CNTNAP2: variants seen among roughly 807,000 people sequenced by gnomAD.
The protein encoded by CNTNAP2 is contactin associated protein 2, also known as contactin-associated protein-like 2.
Under a neutral mutation model 155.2 loss-of-function variants are expected in CNTNAP2, and 98 were observed. The observed-to-expected ratio is 0.63, with a 90% CI of 0.54 to 0.75. The LOEUF is 0.75. Ranked by LOEUF, CNTNAP2 falls within the 30% of genes least tolerant of loss-of-function variation. The pLI is 0.00. For missense variants in CNTNAP2, 1,727 were observed against 1,688.1 expected (o/e 1.02, Z -0.40); for synonymous variants, 651 against 631.2 (o/e 1.03, Z -0.47).
chr7:148,266,141 G>A (rs1796663361), intron 20 of CNTNAP2, among the ~76,000 whole-genome samples: 1 of 152,204 alleles, frequency 6.6e-6, no homozygotes, highest in Non-Finnish European at 1.5e-5. Flanking sequence ...GGAAAGCAAT[G>A]CTGTGCTTTC....
intron 2 of CNTNAP2, among the ~76,000 whole-genome samples, chr7:146,809,786 C>T (rs1803031408): frequency 6.6e-6 from 1 of 152,122 alleles, no homozygotes; most frequent in South Asian, 2.1e-4. Flanking sequence ...ATATTTTCTT[C>T]CATTCCGTAG....
chr7:148,029,876 T>A (rs1331036925), intron 15 of CNTNAP2, among the ~76,000 whole-genome samples: 1 of 152,154 alleles, frequency 6.6e-6, no homozygotes, highest in Non-Finnish European at 1.5e-5. Context: ...TCCTGTAAGG[T>A]ATATTTCCAG....
chr7:146,245,433 G>T (rs898350150), intron 1 of CNTNAP2, among the ~76,000 whole-genome samples: 29 of 152,150 alleles, frequency 1.9e-4, no homozygotes, highest in Admixed American at 4.6e-4. Flanking sequence ...TTGTGATTTT[G>T]AGGGCCTCTA....
intron 13 of CNTNAP2, among the ~76,000 whole-genome samples, chr7:147,854,491 G>A (rs981372199): frequency 6.6e-6 from 1 of 151,952 alleles, no homozygotes; most frequent in African/African-American, 2.4e-5. Context: ...TGAAAGAGTG[G>A]CTAGGATACA....
intron 8 of CNTNAP2, among the ~76,000 whole-genome samples, chr7:147,283,992 A>G (rs1039856697): frequency 2.7e-5 from 4 of 150,034 alleles, no homozygotes; most frequent in Non-Finnish European, 5.9e-5. Context: ...TACATTTTCC[A>G]CATGTAATTT....
chr7:148,222,690 TC>T (rs1795775010), intron 19 of CNTNAP2, among the ~76,000 whole-genome samples: 1 of 152,218 alleles, frequency 6.6e-6, no homozygotes, highest in African/African-American at 2.4e-5. Flanking sequence ...GAGGGGATAT[TC>T]ACACCATAGC....
rs186293180 is a variant in CNTNAP2 at position 147,466,398 on chromosome 7, A to G, written c.1671-19537A>G. Among the ~76,000 whole-genome samples, 46 of 152,290 alleles carry G rather than the reference A, an allele frequency of 3.0e-4. No individual in the cohort carries two copies. The East Asian group carries it at 6.2e-3, about 20-fold the overall frequency. ...TACACAGAATGGTGGAGGGAAAATT[A>G]GAGTGATGTTTTTAGGTTTTATGGC... On this transcript the variant is annotated intron_variant, in intron 10 of 23. Coordinates refer to ENST00000361727, the MANE Select transcript of CNTNAP2 (RefSeq NM_014141.6).
At chr7:147,300,398 C>A in intron 9 of CNTNAP2, 108 bp downstream of exon 9, 2 of 1,213,224 alleles carry the variant, frequency 1.6e-6, no homozygotes, top group Non-Finnish European at 2.3e-6. Context: ...CTCAGTAGAT[C>A]TCATGACAAA....
At chr7:147,439,964 T>G (rs1477201617) in intron 10 of CNTNAP2, among the ~76,000 whole-genome samples, 1 of 152,078 alleles carries the variant, frequency 6.6e-6, no homozygotes, top group Non-Finnish European at 1.5e-5. Context: ...AGTCTACATG[T>G]GTCTTTATAG....
intron 2 of CNTNAP2, chr7:146,782,076 A>G (rs1216583351): frequency 6.6e-6 from 1 of 152,212 alleles, no homozygotes; most frequent in Non-Finnish European, 1.5e-5. Context: ...TAAATTATGA[A>G]GTAGACTCAA....
At chr7:147,617,179 G>A (rs958409565) in intron 12 of CNTNAP2, among the ~76,000 whole-genome samples, 4 of 152,090 alleles carry the variant, frequency 2.6e-5, no homozygotes, top group African/African-American at 9.7e-5. Flanking sequence ...CATCTGTCAT[G>A]GTTCACGACA....
intron 1 of CNTNAP2, among the ~76,000 whole-genome samples, chr7:146,773,648 C>T (rs1489323374): frequency 6.6e-6 from 1 of 152,238 alleles, no homozygotes; most frequent in African/African-American, 2.4e-5. Flanking sequence ...CCCGCCTTGG[C>T]CTCCCAAAGT....
chr7:148,195,655 A>G (rs1032165571), intron 18 of CNTNAP2, among the ~76,000 whole-genome samples: 1 of 152,220 alleles, frequency 6.6e-6, no homozygotes, highest in African/African-American at 2.4e-5. Context: ...TATTTTCTAA[A>G]TATTTTTAAA....
intron 4 of CNTNAP2, among the ~76,000 whole-genome samples, chr7:147,051,809 T>C (rs1799479564): frequency 6.6e-6 from 1 of 152,172 alleles, no homozygotes; most frequent in South Asian, 2.1e-4. Flanking sequence ...GGCATTTTGC[T>C]AATTTTAAAT....
At chr7:146,503,999 A>G (rs1024050924) in intron 1 of CNTNAP2, among the ~76,000 whole-genome samples, 5 of 152,206 alleles carry the variant, frequency 3.3e-5, no homozygotes, top group African/African-American at 1.2e-4. Context: ...AAAGCCAGAT[A>G]CGAGCTCACA....
At chr7:147,083,495 G>A (rs1339442338) in intron 4 of CNTNAP2, among the ~76,000 whole-genome samples, 3 of 144,552 alleles carry the variant, frequency 2.1e-5, no homozygotes, top group South Asian at 2.2e-4. Context: ...AGACTAACTC[G>A]TTTTCAGGTT....
intron 4 of CNTNAP2, among the ~76,000 whole-genome samples, chr7:147,107,223 T>C (rs1304222781): frequency 1.3e-5 from 2 of 152,228 alleles, no homozygotes; most frequent in Non-Finnish European, 2.9e-5. Flanking sequence ...AATCATTCTA[T>C]GAATCGAGAA....
chr7:147,008,317 C>G lies in CNTNAP2; in HGVS notation c.403-35590C>G, dbSNP rs146118136. On this transcript the variant is annotated intron_variant, in intron 3 of 23. Coordinates refer to ENST00000361727, the MANE Select transcript of CNTNAP2 (RefSeq NM_014141.6). The stretch of plus-strand genomic sequence containing the variant: ...TTCTAATATATAAGGAGAGAATGAA[C>G]TATAATTTTTATGGTCTTCATCTGA... Among the ~76,000 whole-genome samples, 539 of 152,124 alleles carry G rather than the reference C, an allele frequency of 3.5e-3. 9 individuals carry two copies. Among genetic ancestry groups the G allele is most frequent in the African/African-American group, 0.012 (505 of 41,528 alleles).
chr7:147,978,078 T>C (rs1801462410), intron 15 of CNTNAP2, 89 bp downstream of exon 15: 5 of 1,538,318 alleles, frequency 3.3e-6, no homozygotes, highest in African/African-American at 1.4e-5. Context: ...GCAATCAGAC[T>C]TGCTCTCCTG....
Sources: gnomAD v4.1 joint callset for allele counts (sites outside exome capture counted in the v4.1 genomes callset) on GRCh38, gnomAD v4.1.1 for gene constraint, MANE v1.5 for transcripts, NCBI Gene and HGNC (gene_info 2026-07-23, HGNC 2026-07-21) for gene names.